The following GBP6 variants were observed in gnomAD, a reference collection of about 807,000 sequenced individuals.
GBP6 encodes guanylate-binding protein 6.
GBP6 carries 54 observed loss-of-function variants against 61.5 expected under a neutral mutation model. The ratio of observed to expected loss-of-function variants is 0.88; its 90% CI spans 0.71 to 1.10. GBP6 has a LOEUF of 1.10. Ranked by LOEUF, GBP6 falls within the 50% of genes least tolerant of loss-of-function variation. The probability of loss-of-function intolerance (pLI) is 0.00; values close to 1 mark genes in which losing one functional copy is unlikely to be tolerated. For missense variants in GBP6, 748 were observed against 752.8 expected (o/e 0.99, Z 0.07); for synonymous variants, 255 against 273.7 (o/e 0.93, Z 0.67).
intron 3 of GBP6, among the ~76,000 whole-genome samples, chr1:89,377,453 T>C (rs941798851): frequency 6.6e-6 from 1 of 152,212 alleles, no homozygotes; most frequent in African/African-American, 2.4e-5. Flanking sequence ...ACATACACTC[T>C]TCAATTTTCA....
chr1:89,380,294 G>C (rs1383513971), intron 5 of GBP6, 92 bp from the exon 6 acceptor site: 3 of 1,127,156 alleles, frequency 2.7e-6, no homozygotes, highest in Non-Finnish European at 3.9e-6. Flanking sequence ...ATAGAAGATG[G>C]CAAAAAGACA....
Position 89,369,659 on chromosome 1 carries a change from G to A in GBP6, c.304G>A (p.Gly102Ser), listed in dbSNP as rs767961708. Residue 102 changes from glycine (G) to serine (S), a missense_variant, in exon 3 of 11, where the codon GGC becomes AGC. Coordinates refer to ENST00000370456, the MANE Select transcript of GBP6 (RefSeq NM_198460.3). ...TLVLLDTEGL[G>S]DVEKGDPKND... ...GGTCCTTCTGGACACCGAAGGTCTGGGCGATGTGGAAAAGGTAAGACAGAG... is the reference window on the plus strand; with the variant it reads ...GGTCCTTCTGGACACCGAAGGTCTGAGCGATGTGGAAAAGGTAAGACAGAG... 9.9e-6 allele frequency: 16 copies of A among 1,613,936 alleles called. No homozygotes were observed. Among genetic ancestry groups the A allele is most frequent in the Non-Finnish European group, 1.3e-5 (15 of 1,179,894 alleles).
intron 3 of GBP6, 118 bp from the exon 4 acceptor site, chr1:89,377,985 G>A (rs765496889): frequency 1.4e-4 from 130 of 903,678 alleles, no homozygotes; most frequent in Non-Finnish European, 2.2e-4. Context: ...TCATGTCTAT[G>A]TTCTTTGTAC....
In GBP6 at chr1:89,384,298, C is replaced by G; in HGVS notation, c.1662+12C>G. ...AGCACACGCAGAAGGTAAGTCTGCC[C>G]TTGGCCTCAGCAGGCCAGACGGTCC... is the stretch of plus-strand genomic sequence containing the variant. On this transcript the variant is annotated intron_variant, in intron 10 of 10. Transcript: ENST00000370456. 2 of 1,599,630 alleles carry G rather than the reference C, an allele frequency of 1.3e-6. No homozygotes were observed. Among genetic ancestry groups the G allele is most frequent in the Non-Finnish European group, 1.7e-6 (2 of 1,172,868 alleles).
At chr1:89,383,605 A>G (rs376928775) in intron 8 of GBP6, 47 bp from the exon 9 acceptor site, 43 of 1,331,980 alleles carry the variant, frequency 3.2e-5, no homozygotes, top group African/African-American at 4.4e-5. Context: ...TAATACCCAG[A>G]ACATAGATTT....
intron 6 of GBP6, among the ~76,000 whole-genome samples, chr1:89,381,083 G>C (rs1652963528): frequency 6.6e-6 from 1 of 151,952 alleles, no homozygotes; most frequent in South Asian, 2.1e-4. Context: ...TCAGGAGTTT[G>C]AGACCAGCCT....
rs755314330 is a variant in GBP6 at position 89,385,259 on chromosome 1, TAAG to T, written c.1699_1701del (p.Lys567del). 6.8e-6 allele frequency: 11 copies of T among 1,613,656 alleles called. No homozygotes were observed. The highest frequency in any genetic ancestry group is 5.3e-5 in the African/African-American group (4 of 74,922). On this transcript the variant is annotated inframe_deletion, in exon 11 of 11. Transcript: ENST00000370456. The stretch of plus-strand genomic sequence containing the variant: ...AAAATGATTGGCTTCATGAAGGATT[TAAG>T]AAGAAGTATGAGGAGATGAATGCAG...
chr1:89,383,189 A>G (rs749442105), intron 8 of GBP6, among the ~76,000 whole-genome samples: 5 of 148,848 alleles, frequency 3.4e-5, no homozygotes, highest in Non-Finnish European at 7.4e-5. Flanking sequence ...AGACATTTTA[A>G]TTTCATCTTC....
chr1:89,365,232 T>C (rs1652438166), intron 1 of GBP6, among the ~76,000 whole-genome samples: 2 of 152,218 alleles, frequency 1.3e-5, no homozygotes, highest in Admixed American at 1.3e-4. Context: ...CTGTATTTCA[T>C]TTAGTAGAAG....
In GBP6 at chr1:89,380,367, G is replaced by GTT. The variant is rs11361992; in HGVS notation, c.626-11_626-10dup. On this transcript the variant is annotated intron_variant, in intron 5 of 10. Transcript: ENST00000370456. ...CAAGACTGTTTTCACTATATTCTCT[G>GTT]TTTTTTTTTATCCCTCAGGCAATAA... 30 of 1,596,058 alleles carry GTT rather than the reference G, an allele frequency of 1.9e-5. No homozygotes were observed. In the East Asian group the frequency reaches 5.8e-4, roughly 31 times the overall value.
Position 89,381,676 on chromosome 1 carries a change from A to G in GBP6, c.872-18A>G. On this transcript the variant is annotated intron_variant, in intron 6 of 10. Coordinates refer to ENST00000370456, the MANE Select transcript of GBP6 (RefSeq NM_198460.3). ...CTTTAATTTCATATTTAGCCCCTAA[A>G]TCTCCTGGTTCATTTAGGTCTGGGA... The G allele has an allele frequency of 6.3e-7, 1 of 1,580,452 alleles. No homozygotes were observed. Among genetic ancestry groups the G allele is most frequent in the African/African-American group, 1.4e-5 (1 of 73,904 alleles).
At position 89,383,719 on chromosome 1, in the gene GBP6, A is replaced by C. The variant is rs752698359; in HGVS notation, c.1433A>C (p.Asp478Ala). 3 of 1,612,998 alleles carry C rather than the reference A, an allele frequency of 1.9e-6. No individual in the cohort carries two copies. In the Admixed American group the frequency reaches 5.0e-5, roughly 27 times the overall value. Residue 478 changes from aspartate to alanine, a missense_variant, in exon 9 of 11, where the codon GAT becomes GCT. Coordinates refer to ENST00000370456, the MANE Select transcript of GBP6 (RefSeq NM_198460.3). Reference sequence around the variant, plus strand: ...ATAGAGGAATCCATCTTGCAGTCAGATAAAGCCCTCACTGATAGAGAGAAG... The same window carrying C: ...ATAGAGGAATCCATCTTGCAGTCAGCTAAAGCCCTCACTGATAGAGAGAAG... ...MVIEESILQS[D>A]KALTDREKAV... is the part of the protein sequence containing the mutation.
At position 89,387,516 on chromosome 1, in the gene GBP6, A is replaced by T. The variant is rs1338941038; in HGVS notation, c.*2047A>T. Reference sequence around the variant, plus strand: ...GTTGTGCTAAATAAGCTTCTTTTATAAAAACAATAGGCTGATGCATGGGTG... The same window carrying T: ...GTTGTGCTAAATAAGCTTCTTTTATTAAAACAATAGGCTGATGCATGGGTG... On this transcript the variant is annotated 3_prime_UTR_variant, in exon 11 of 11. Coordinates refer to ENST00000370456, the MANE Select transcript of GBP6 (RefSeq NM_198460.3). 1.3e-5 allele frequency among the ~76,000 whole-genome samples: 2 copies of T among 152,220 alleles called. No homozygotes were observed. The highest frequency in any genetic ancestry group is 2.9e-5 in the Non-Finnish European group (2 of 68,034).
chr1:89,387,753 C>T lies in GBP6; in HGVS notation c.*2284C>T, dbSNP rs867764306. On this transcript the variant is annotated 3_prime_UTR_variant, in exon 11 of 11. Coordinates refer to ENST00000370456, the MANE Select transcript of GBP6 (RefSeq NM_198460.3). ...TTTGAGACCAGCCTGGCCAACATGG[C>T]GAAACCCTGCCTTTACTAAAAATAC... is the stretch of plus-strand genomic sequence containing the variant. Among the ~76,000 whole-genome samples, 7 of 152,072 alleles carry T rather than the reference C, an allele frequency of 4.6e-5. No individual in the cohort carries two copies. The highest frequency in any genetic ancestry group is 7.4e-5 in the Non-Finnish European group (5 of 68,010).
At chr1:89,364,627 G>A (rs911245956) in intron 1 of GBP6, among the ~76,000 whole-genome samples, 5 of 127,726 alleles carry the variant, frequency 3.9e-5, no homozygotes, top group Admixed American at 7.9e-5. Flanking sequence ...CTGTGTGTGC[G>A]TGTGTGTGTG....
intron 1 of GBP6, among the ~76,000 whole-genome samples, chr1:89,366,889 T>A (rs907242131): frequency 1.3e-5 from 2 of 152,172 alleles, no homozygotes; most frequent in Non-Finnish European, 2.9e-5. Flanking sequence ...ATCTGATTAT[T>A]CTAGTACCTC....
At chr1:89,375,047 T>C (rs186682109) in intron 3 of GBP6, among the ~76,000 whole-genome samples, 1 of 152,304 alleles carries the variant, frequency 6.6e-6, no homozygotes, top group East Asian at 1.9e-4. Context: ...CTGCATTAGT[T>C]TGCTAAGGAT....
At chr1:89,370,468 A>G (rs747269598) in intron 3 of GBP6, among the ~76,000 whole-genome samples, 2 of 152,208 alleles carry the variant, frequency 1.3e-5, no homozygotes, top group Non-Finnish European at 2.9e-5. Flanking sequence ...TGTGCTCATC[A>G]TAAAAAAGTA....
intron 9 of GBP6, 51 bp downstream of exon 9, chr1:89,383,805 C>A: frequency 2.3e-6 from 3 of 1,311,376 alleles, no homozygotes; most frequent in Non-Finnish European, 3.2e-6. Context: ...ATACAATGCC[C>A]TCTAACAGAT....
Sources: gnomAD v4.1 joint callset for allele counts (sites outside exome capture counted in the v4.1 genomes callset) on GRCh38, gnomAD v4.1.1 for gene constraint, MANE v1.5 for transcripts, NCBI Gene and HGNC (gene_info 2026-07-23, HGNC 2026-07-21) for gene names.